CCDC169: variants seen among roughly 807,000 people sequenced by gnomAD.
The protein encoded by CCDC169 is coiled-coil domain containing 169.
CCDC169 carries 30 observed loss-of-function variants against 36.0 expected under a neutral mutation model. The ratio of observed to expected loss-of-function variants is 0.83; its 90% CI spans 0.62 to 1.13. CCDC169 has a LOEUF of 1.13. Ranked by LOEUF, CCDC169 falls within the 50% of genes most tolerant of loss-of-function variation. The probability of loss-of-function intolerance (pLI) is 0.00; values close to 1 mark genes in which losing one functional copy is unlikely to be tolerated. For missense variants in CCDC169, 245 were observed against 245.9 expected, an observed-to-expected ratio of 1.00 and a Z score of 0.03; for synonymous variants, 85 against 81.5, an observed-to-expected ratio of 1.04 and a Z score of -0.23.
intron 2 of CCDC169, among the ~76,000 whole-genome samples, chr13:36,289,174 C>A (rs1250693985): frequency 6.6e-6 from 1 of 152,078 alleles, no homozygotes; most frequent in African/African-American, 2.4e-5. Flanking sequence ...GAAACTGTTT[C>A]TTTTAAAAGC....
intron 7 of CCDC169, among the ~76,000 whole-genome samples, chr13:36,233,553 A>G (rs1301900932): frequency 6.6e-6 from 1 of 152,132 alleles, no homozygotes; most frequent in East Asian, 1.9e-4. Flanking sequence ...TCATATCTAT[A>G]GAGGAAATTA....
At chr13:36,232,440 G>A (rs933238602) in intron 7 of CCDC169, among the ~76,000 whole-genome samples, 1 of 152,126 alleles carries the variant, frequency 6.6e-6, no homozygotes, top group Non-Finnish European at 1.5e-5. Context: ...TTTCAGAGCT[G>A]CCAGAGGTAG....
intron 2 of CCDC169, 68 bp downstream of exon 2, chr13:36,295,710 C>T: frequency 1.2e-6 from 1 of 811,038 alleles, no homozygotes; most frequent in South Asian, 1.8e-5. Context: ...TTTAATGCAC[C>T]ATAGATATCC....
chr13:36,265,821 T>C lies in CCDC169; in HGVS notation c.316-11678A>G, dbSNP rs548563389. Among the ~76,000 whole-genome samples the C allele has an allele frequency of 2.6e-4, 40 of 152,342 alleles. 1 individual carries two copies. Among genetic ancestry groups the C allele is most frequent in the African/African-American group, 7.0e-4 (29 of 41,580 alleles). On this transcript the variant is annotated intron_variant, in intron 4 of 7. Transcript: ENST00000239859. ...TCAATTATGTACTTGGTGATGGAGA[T>C]AGTTATCACTGCAGGGGTAGGGGAG... is the stretch of plus-strand genomic sequence containing the variant.
chr13:36,294,313 T>C (rs909449014), intron 2 of CCDC169, among the ~76,000 whole-genome samples: 1 of 152,204 alleles, frequency 6.6e-6, no homozygotes, highest in Non-Finnish European at 1.5e-5. Context: ...GTTTTTCCTG[T>C]AACTGGGTAC....
chr13:36,273,949 G>C (rs1322570806), intron 4 of CCDC169, among the ~76,000 whole-genome samples: 1 of 152,102 alleles, frequency 6.6e-6, no homozygotes, highest in Non-Finnish European at 1.5e-5. Context: ...AGGCTCAACA[G>C]AGAGACACAA....
intron 7 of CCDC169, among the ~76,000 whole-genome samples, chr13:36,236,822 A>C (rs1300863411): frequency 6.6e-6 from 1 of 152,072 alleles, no homozygotes; most frequent in Admixed American, 6.6e-5. Context: ...TTCTCCAAAG[A>C]AGATACAGTT....
At chr13:36,241,327 C>T (rs951785333) in intron 7 of CCDC169, among the ~76,000 whole-genome samples, 5 of 152,102 alleles carry the variant, frequency 3.3e-5, no homozygotes, top group African/African-American at 9.7e-5. Context: ...ACTGATGTAA[C>T]CACAACTTAG....
chr13:36,222,986 A>C (rs1330991221), downstream of CCDC169: 1 of 152,210 alleles, frequency 6.6e-6, no homozygotes, highest in African/African-American at 2.4e-5. Context: ...AAGGGCAGAA[A>C]AATAATACAA....
At chr13:36,253,577 C>T (rs1337535431) in intron 6 of CCDC169, among the ~76,000 whole-genome samples, 5 of 152,140 alleles carry the variant, frequency 3.3e-5, no homozygotes, top group African/African-American at 9.6e-5. Context: ...CCTCGTGATC[C>T]GACCACCTCA....
At chr13:36,250,717 G>C (rs1873049436) in intron 6 of CCDC169, among the ~76,000 whole-genome samples, 1 of 152,176 alleles carries the variant, frequency 6.6e-6, no homozygotes, top group South Asian at 2.1e-4. Context: ...TGGGAAGACT[G>C]AGAGTCATTT....
At chr13:36,245,865 T>A in intron 7 of CCDC169, among the ~76,000 whole-genome samples, 1 of 152,230 alleles carries the variant, frequency 6.6e-6, no homozygotes, top group Non-Finnish European at 1.5e-5. Context: ...TCCAATGGCA[T>A]ATGTTCATTT....
At chr13:36,267,290 TAA>T (rs1193023991) in intron 4 of CCDC169, 2 of 152,302 alleles carry the variant, frequency 1.3e-5, no homozygotes, top group African/African-American at 2.4e-5. Context: ...CCAGAAAAGA[TAA>T]GAGTCCTATC....
intron 4 of CCDC169, among the ~76,000 whole-genome samples, chr13:36,259,920 G>C (rs748581779): frequency 1.3e-5 from 2 of 152,236 alleles, no homozygotes; most frequent in South Asian, 2.1e-4. Context: ...GGAGGGGAGG[G>C]GTGGCTGACA....
At chr13:36,271,951 A>G (rs9547051) in intron 4 of CCDC169, among the ~76,000 whole-genome samples, 38,371 of 151,200 alleles carry the variant, frequency 0.25, 5,125 homozygotes, top group East Asian at 0.49. Context: ...CTGGAGTGGC[A>G]GTGCATGTCT....
intron 4 of CCDC169, among the ~76,000 whole-genome samples, chr13:36,267,003 C>T (rs1875400031): frequency 6.6e-6 from 1 of 152,034 alleles, no homozygotes; most frequent in Admixed American, 6.6e-5. Context: ...TCAGATATGC[C>T]CATGTAAAAG....
At chr13:36,250,093 G>A (rs1203437286) in intron 6 of CCDC169, among the ~76,000 whole-genome samples, 1 of 152,176 alleles carries the variant, frequency 6.6e-6, no homozygotes, top group African/African-American at 2.4e-5. Context: ...TAAGTGCCTT[G>A]ATGGAGATGT....
intron 4 of CCDC169, among the ~76,000 whole-genome samples, chr13:36,254,523 C>A (rs953217951): frequency 6.6e-6 from 1 of 151,934 alleles, no homozygotes; most frequent in African/African-American, 2.4e-5. Context: ...GTGATCCACC[C>A]ACCTCAGCCT....
At chr13:36,257,978 G>T (rs558461152) in intron 4 of CCDC169, among the ~76,000 whole-genome samples, 2 of 152,142 alleles carry the variant, frequency 1.3e-5, no homozygotes, top group Non-Finnish European at 2.9e-5. Flanking sequence ...ACCAGAACCA[G>T]AAGCTGAGGA....
Sources: allele counts gnomAD v4.1 joint callset (sites outside exome capture counted in the v4.1 genomes callset), GRCh38; gene constraint gnomAD v4.1.1; transcripts MANE v1.5; gene names NCBI Gene and HGNC (gene_info 2026-07-23, HGNC 2026-07-21).